Variants in SLAMF1 observed in about 807,000 individuals in gnomAD.
SLAMF1 encodes the protein signaling lymphocytic activation molecule.
In SLAMF1, 18 loss-of-function variants were observed where a neutral mutation model predicts 35.1. The observed-to-expected ratio is 0.51, with a 90% CI of 0.35 to 0.76. The LOEUF (loss-of-function observed/expected upper bound fraction) is 0.76. SLAMF1 is among the 30% of genes least tolerant of loss of function. The pLI, the probability that SLAMF1 is intolerant of heterozygous loss-of-function variation, is 0.01. For synonymous variants in SLAMF1, 168 were observed against 157.2 expected (o/e 1.07, Z -0.51); for missense variants, 392 against 413.0 (o/e 0.95, Z 0.44).
intron 1 of SLAMF1, among the ~76,000 whole-genome samples, chr1:160,637,844 A>G (rs1385797953): frequency 1.3e-5 from 2 of 152,186 alleles, no homozygotes; most frequent in African/African-American, 2.4e-5. Flanking sequence ...GGCTTCCCTA[A>G]CTAGTAAGTG....
chr1:160,624,842 T>C (rs1054240247), intron 3 of SLAMF1, among the ~76,000 whole-genome samples: 1 of 152,168 alleles, frequency 6.6e-6, no homozygotes, highest in South Asian at 2.1e-4. Context: ...ACCCACTTTA[T>C]CAAATCCTTT....
chr1:160,643,777 T>A (rs1217978150), intron 1 of SLAMF1, among the ~76,000 whole-genome samples: 1 of 152,232 alleles, frequency 6.6e-6, no homozygotes, highest in Admixed American at 6.5e-5. Context: ...TTTGAATTAT[T>A]CTCTTCCAGT....
At chr1:160,633,207 G>A (rs542286353) in intron 3 of SLAMF1, among the ~76,000 whole-genome samples, 2 of 152,282 alleles carry the variant, frequency 1.3e-5, no homozygotes, top group South Asian at 4.1e-4. Context: ...GACTGTGGGT[G>A]GGGAGAGCGC....
chr1:160,633,100 A>G (rs2102331284), intron 3 of SLAMF1, among the ~76,000 whole-genome samples: 1 of 152,334 alleles, frequency 6.6e-6, no homozygotes, highest in Middle Eastern at 3.4e-3. Flanking sequence ...CCTTGTAAGT[A>G]GAAAGGGCAG....
At chr1:160,628,794 A>G (rs1392800750) in intron 3 of SLAMF1, among the ~76,000 whole-genome samples, 1 of 152,248 alleles carries the variant, frequency 6.6e-6, no homozygotes, top group Non-Finnish European at 1.5e-5. Context: ...CAGGAATCAA[A>G]GGGAAGGAGA....
intron 5 of SLAMF1, among the ~76,000 whole-genome samples, chr1:160,617,375 G>A (rs1487429541): frequency 6.6e-6 from 1 of 152,084 alleles, no homozygotes; most frequent in African/African-American, 2.4e-5. Context: ...GCATATGAAT[G>A]TTCACAGCTG....
At chr1:160,636,244 G>T (rs1228324274) in intron 2 of SLAMF1, among the ~76,000 whole-genome samples, 2 of 152,204 alleles carry the variant, frequency 1.3e-5, no homozygotes, top group African/African-American at 2.4e-5. Flanking sequence ...ATGACTCTCA[G>T]GTACCTGGGG....
intron 5 of SLAMF1, 77 bp downstream of exon 5, chr1:160,619,699 C>A (rs1341445617): frequency 5.3e-6 from 5 of 945,870 alleles, no homozygotes; most frequent in Admixed American, 5.2e-5. Context: ...CTGTGAATGT[C>A]CAACAGGCAA....
intron 1 of SLAMF1, among the ~76,000 whole-genome samples, chr1:160,640,357 T>TATATATATAC (rs1332340284): frequency 4.7e-5 from 5 of 105,478 alleles, no homozygotes; most frequent in Middle Eastern, 5.4e-3. Flanking sequence ...TATATATATA[T>TATATATATAC]ATACACACAC....
rs1658920305 is a variant in SLAMF1 at position 160,610,483 on chromosome 1, A to G, written c.*265T>C. 1.9e-6 allele frequency: 1 copy of G among 525,736 alleles called. No individual in the cohort carries two copies. Among genetic ancestry groups the G allele is most frequent in the Non-Finnish European group, 3.6e-6 (1 of 279,210 alleles). The allele number at this position is 525,736 out of a possible 1,614,324, so 32.6% of individuals were successfully genotyped here. ...CACATTACTGTCCATTTCATCTGCT[A>G]CAACACAAAGATGGAACGCTGTTAT... On this transcript the variant is annotated 3_prime_UTR_variant, in exon 7 of 7. Coordinates refer to ENST00000302035, the MANE Select transcript of SLAMF1 (RefSeq NM_003037.5).
Position 160,619,807 on chromosome 1 carries a change from A to G in SLAMF1, c.833T>C (p.Leu278Pro), listed in dbSNP as rs1257441853. ...TTTCTGGACTTGGGCATAGATCGTA[A>G]GGCTTTTTTTTTCCACTGTTGTCTG... ...HYQTTVEKKS[L>P]TIYAQVQKPG... is the part of the protein sequence containing the mutation. Residue 278 changes from leucine (L) to proline (P), a missense_variant, in exon 5 of 7, where the codon CTT becomes CCT. Leu to Pro is a moderately conservative substitution (Grantham distance 98). Coordinates refer to ENST00000302035, the MANE Select transcript of SLAMF1 (RefSeq NM_003037.5). 1 of 1,612,788 alleles carries G rather than the reference A, an allele frequency of 6.2e-7. No homozygotes were observed. The highest frequency in any genetic ancestry group is 8.5e-7 in the Non-Finnish European group (1 of 1,178,778).
At chr1:160,627,666 C>T (rs1222664031) in intron 3 of SLAMF1, among the ~76,000 whole-genome samples, 2 of 152,146 alleles carry the variant, frequency 1.3e-5, no homozygotes, top group Non-Finnish European at 2.9e-5. Flanking sequence ...GAAAAAAGTG[C>T]TACTATTACA....
intron 2 of SLAMF1, among the ~76,000 whole-genome samples, chr1:160,636,441 A>T (rs954285924): frequency 6.6e-6 from 1 of 152,214 alleles, no homozygotes; most frequent in African/African-American, 2.4e-5. Context: ...GGAAAGCCCC[A>T]TGTGGCTATC....
At chr1:160,633,183 A>G (rs923472119) in intron 3 of SLAMF1, among the ~76,000 whole-genome samples, 1 of 152,200 alleles carries the variant, frequency 6.6e-6, no homozygotes, top group Non-Finnish European at 1.5e-5. Context: ...TTGTCCTGCC[A>G]GCACCTTCTA....
chr1:160,624,125 A>G lies in SLAMF1; in HGVS notation c.761T>C (p.Met254Thr). The stretch of plus-strand genomic sequence containing the variant: ...TCTTCTCAACTGTAGTATTACCACC[A>G]TGATGAGAATCATGATGACACCCCC... ...LLGGVIMILI[M>T]VVILQLRRRG... Residue 254 changes from methionine to threonine, a missense_variant, in exon 4 of 7, where the codon ATG becomes ACG. By Grantham distance (81) the Met-to-Thr change is moderately conservative. Transcript: ENST00000302035. 1 of 1,609,972 alleles carries G rather than the reference A, an allele frequency of 6.2e-7. No homozygotes were observed. Among genetic ancestry groups the G allele is most frequent in the Non-Finnish European group, 8.5e-7 (1 of 1,177,872 alleles).
Position 160,634,867 on chromosome 1 carries a change from A to G in SLAMF1, c.446T>C (p.Leu149Ser). 2 of 1,613,260 alleles carry G rather than the reference A, an allele frequency of 1.2e-6. No homozygotes were observed. Among genetic ancestry groups the G allele is most frequent in the Non-Finnish European group, 8.5e-7 (1 of 1,179,374 alleles). Reference protein sequence around the residue: ...EQVSTPEIKVLNKTQENGTCT... With the variant: ...EQVSTPEIKVSNKTQENGTCT... Reference sequence around the variant, plus strand: ...GGTCCCGTTCTCCTGGGTCTTGTTTAAAACTTTAATTTCTGGAGTGGAGAC... The same window carrying G: ...GGTCCCGTTCTCCTGGGTCTTGTTTGAAACTTTAATTTCTGGAGTGGAGAC... The change falls in exon 3 of 7, where the codon TTA becomes TCA. Residue 149 changes from leucine (L) to serine (S), a missense_variant. By Grantham distance (145) the Leu-to-Ser change is moderately radical. Coordinates refer to ENST00000302035, the MANE Select transcript of SLAMF1 (RefSeq NM_003037.5).
At chr1:160,620,856 T>G (rs1659572747) in intron 4 of SLAMF1, among the ~76,000 whole-genome samples, 2 of 152,250 alleles carry the variant, frequency 1.3e-5, no homozygotes, top group African/African-American at 2.4e-5. Flanking sequence ...CTAATGTCAC[T>G]GAATTTTAAA....
intron 1 of SLAMF1, among the ~76,000 whole-genome samples, chr1:160,640,901 GGTGGTGGTGGTT>G (rs1258861016): frequency 6.6e-6 from 1 of 152,084 alleles, no homozygotes; most frequent in African/African-American, 2.4e-5. Flanking sequence ...TAGTTATTGT[GGTGGTGGTGGTT>G]GTTTTTACAT....
At chr1:160,633,860 G>T (rs968867092) in intron 3 of SLAMF1, among the ~76,000 whole-genome samples, 1 of 152,160 alleles carries the variant, frequency 6.6e-6, no homozygotes, top group African/African-American at 2.4e-5. Flanking sequence ...ACTTGAAGAG[G>T]GTACTTAAAT....
Sources: allele counts gnomAD v4.1 joint callset (sites outside exome capture counted in the v4.1 genomes callset), GRCh38; gene constraint gnomAD v4.1.1; transcripts MANE v1.5; gene names NCBI Gene and HGNC (gene_info 2026-07-23, HGNC 2026-07-21).